The following TSPEAR variants were observed in gnomAD, a reference collection of about 807,000 sequenced individuals.
The protein encoded by TSPEAR is thrombospondin-type laminin G domain and EAR repeat-containing protein.
In TSPEAR, 69 loss-of-function variants were observed where a neutral mutation model predicts 71.6. The ratio of observed to expected loss-of-function variants is 0.96; its 90% confidence interval spans 0.79 to 1.18. The LOEUF (loss-of-function observed/expected upper bound fraction) is 1.18. Among genes scored for constraint, TSPEAR ranks in the 50% most tolerant of loss-of-function variants. The pLI, the probability that TSPEAR is intolerant of heterozygous loss-of-function variation, is 0.00. For missense variants in TSPEAR, 971 were observed against 894.9 expected (o/e 1.09, Z -1.09); for synonymous variants, 402 against 387.2 (o/e 1.04, Z -0.45).
chr21:44,590,525 G>C (rs1045056886), intron 1 of TSPEAR, among the ~76,000 whole-genome samples: 1 of 152,208 alleles, frequency 6.6e-6, no homozygotes, highest in African/African-American at 2.4e-5. Context: ...CGATGCCTGA[G>C]CAATGGGTAT....
At chr21:44,708,737 CCT>C (rs151222025) in intron 1 of TSPEAR, among the ~76,000 whole-genome samples, 3,184 of 152,288 alleles carry the variant, frequency 0.021, 115 homozygotes, top group African/African-American at 0.073. Context: ...AATGCTGCTC[CCT>C]GAGGCCCTCC....
chr21:44,702,714 A>G, intron 1 of TSPEAR: 12 of 1,482,322 alleles, frequency 8.1e-6, no homozygotes, highest in Admixed American at 1.7e-5. Context: ...GCTGCCACCC[A>G]GCCTCCTGCG....
chr21:44,505,660 G>A (rs1223908357), intron 10 of TSPEAR, among the ~76,000 whole-genome samples: 1 of 147,714 alleles, frequency 6.8e-6, no homozygotes, highest in South Asian at 2.1e-4. Flanking sequence ...GAATGGAATC[G>A]CACGGTATTT....
intron 9 of TSPEAR, among the ~76,000 whole-genome samples, chr21:44,512,043 G>C (rs1470514250): frequency 6.6e-6 from 1 of 152,238 alleles, no homozygotes; most frequent in Non-Finnish European, 1.5e-5. Context: ...ATGGAGGACG[G>C]ACAGGGGAGT....
intron 1 of TSPEAR, among the ~76,000 whole-genome samples, chr21:44,581,029 G>T (rs1555925067): frequency 6.6e-6 from 1 of 152,124 alleles, no homozygotes; most frequent in South Asian, 2.1e-4. Flanking sequence ...ATATAAATAG[G>T]TAGAAAAATA....
Position 44,666,949 on chromosome 21 carries a change from G to T in TSPEAR, c.82+44484C>A. 3.2e-6 allele frequency: 5 copies of T among 1,554,768 alleles called. No homozygotes were observed. In the South Asian group the frequency reaches 6.1e-5, roughly 19 times the overall value. On this transcript the variant is annotated intron_variant, in intron 1 of 11. Transcript: ENST00000323084. ...GTGATGTCTGGGGACGGCCTCCCTG[G>T]GCAGCCTTTATACCTGGGCCCAGGC...
At chr21:44,676,586 C>T (rs980755784) in intron 1 of TSPEAR, 1 of 724,220 alleles carries the variant, frequency 1.4e-6, no homozygotes, top group East Asian at 2.5e-5. Context: ...AATTCTTGTT[C>T]CGAGAGTTTC....
intron 9 of TSPEAR, chr21:44,517,584 A>ACAGGT (rs1390658336): frequency 6.1e-5 from 22 of 358,478 alleles, no homozygotes; most frequent in Non-Finnish European, 1.1e-4. Context: ...GGCTGTGAGC[A>ACAGGT]CAGGTCAGGT....
At chr21:44,699,691 C>T (rs1217897470) in intron 1 of TSPEAR, among the ~76,000 whole-genome samples, 1 of 152,170 alleles carries the variant, frequency 6.6e-6, no homozygotes, top group Non-Finnish European at 1.5e-5. Flanking sequence ...CTCCTGCACC[C>T]ACTCCTCTGA....
chr21:44,612,023 T>G lies in TSPEAR; in HGVS notation c.83-44018A>C. ...CTGTGAGGAAAATACCCAGGGAGGG[T>G]ATAAAACCTCAGCAGCCAGGGCACA... On this transcript the variant is annotated intron_variant, in intron 1 of 11. Coordinates refer to ENST00000323084, the MANE Select transcript of TSPEAR (RefSeq NM_144991.3). The surrounding 1 kb of genome is among the most constrained non-coding windows in gnomAD (Gnocchi z 4.1). The G allele has an allele frequency of 7.0e-7, 1 of 1,429,842 alleles. No homozygotes were observed. The allele number at this position is 1,429,842 out of a possible 1,614,324, so 88.6% of individuals were successfully genotyped here.
At chr21:44,527,271 A>C in intron 7 of TSPEAR, 21 bp downstream of exon 7, 1 of 1,613,330 alleles carries the variant, frequency 6.2e-7, no homozygotes, top group East Asian at 2.2e-5. Context: ...GGATGGAGAA[A>C]GTCACCGAAC....
intron 1 of TSPEAR, among the ~76,000 whole-genome samples, chr21:44,698,574 C>T (rs1239191394): frequency 1.3e-5 from 2 of 152,248 alleles, no homozygotes; most frequent in Non-Finnish European, 2.9e-5. Context: ...CCGTCCCCAC[C>T]GCCCCACATT....
intron 9 of TSPEAR, among the ~76,000 whole-genome samples, chr21:44,513,135 G>A (rs1401323082): frequency 3.9e-5 from 6 of 152,234 alleles, no homozygotes; most frequent in South Asian, 2.1e-4. Context: ...GAACCCCCAC[G>A]GGGTGTCACC....
intron 1 of TSPEAR, among the ~76,000 whole-genome samples, chr21:44,685,949 G>A (rs2146304194): frequency 6.6e-6 from 1 of 152,296 alleles, no homozygotes; most frequent in South Asian, 2.1e-4. Context: ...TTAGACCTCT[G>A]TGCATTACTG....
In TSPEAR at chr21:44,697,825, C is replaced by T. The variant is rs782267973; in HGVS notation, c.82+13608G>A. On this transcript the variant is annotated intron_variant, in intron 1 of 11. Coordinates refer to ENST00000323084, the MANE Select transcript of TSPEAR (RefSeq NM_144991.3). ...GCCCTGTGTGCAGACCCGCCCGCCGCGTGCCCGTCCCCTCCTGCTGTGTCC... is the reference window on the plus strand; with the variant it reads ...GCCCTGTGTGCAGACCCGCCCGCCGTGTGCCCGTCCCCTCCTGCTGTGTCC... 6.2e-6 allele frequency: 10 copies of T among 1,613,512 alleles called. No homozygotes were observed. In the South Asian group the frequency reaches 7.7e-5, roughly 12 times the overall value.
At chr21:44,621,278 C>A (rs925092655) in intron 1 of TSPEAR, among the ~76,000 whole-genome samples, 3 of 152,190 alleles carry the variant, frequency 2.0e-5, no homozygotes, top group African/African-American at 7.2e-5. Context: ...ATTGAAGTCT[C>A]AAACTCTTAC....
chr21:44,703,064 G>A (rs1432588311), intron 1 of TSPEAR, among the ~76,000 whole-genome samples: 1 of 151,712 alleles, frequency 6.6e-6, no homozygotes, highest in African/African-American at 2.4e-5. Context: ...GGAGGTCCCT[G>A]GCCCCCCCTG....
rs55672014 is a variant in TSPEAR at position 44,646,124 on chromosome 21, CAAAAAAAAAAAAAA to C, written c.82+65295_82+65308del. Among the ~76,000 whole-genome samples, 174 of 31,260 alleles carry C rather than the reference CAAAAAAAAAAAAAA, an allele frequency of 5.6e-3. 2 individuals carry two copies. The highest frequency in any genetic ancestry group is 0.017 in the African/African-American group (164 of 9,494). The allele number at this position is 31,260 out of a possible 152,430, so 20.5% of individuals were successfully genotyped here. ...TGGGTGACAGAGCAAGACTCCCTCT[CAAAAAAAAAAAAAA>C]AAAAAAAAAAAAAAAAGGAAATATT... On this transcript the variant is annotated intron_variant, in intron 1 of 11. Transcript: ENST00000323084.
At position 44,647,278 on chromosome 21, in the gene TSPEAR, G is replaced by A. The variant is rs78821735; in HGVS notation, c.82+64155C>T. 2.1e-3 allele frequency: 3,427 copies of A among 1,611,948 alleles called. 71 individuals are homozygous for A. In the African/African-American group the frequency reaches 0.04, roughly 19 times the overall value. On this transcript the variant is annotated intron_variant, in intron 1 of 11. Transcript: ENST00000323084. ...CAGCTGCTGCCGCCCGGCCTCCTGC[G>A]TGTCCCTCCTCTGCCGCCCCGCAAG...
Sources: allele counts gnomAD v4.1 joint callset (sites outside exome capture counted in the v4.1 genomes callset), GRCh38; gene constraint gnomAD v4.1.1; non-coding constraint Gnocchi (gnomAD v3.1); transcripts MANE v1.5; gene names NCBI Gene and HGNC (gene_info 2026-07-23, HGNC 2026-07-21).